Variants in NAV2 observed in about 807,000 individuals in gnomAD.
NAV2 encodes helicase, APC down-regulated 1.
In NAV2, 54 loss-of-function variants were observed where a neutral mutation model predicts 223.2. That is an observed-to-expected ratio of 0.24 (90% CI 0.19 to 0.30). The LOEUF (loss-of-function observed/expected upper bound fraction) is 0.30. Ranked by LOEUF, NAV2 falls within the 10% of genes least tolerant of loss-of-function variation. The pLI is 1.00. For missense variants in NAV2, 2,806 were observed against 3,147.5 expected, an observed-to-expected ratio of 0.89 and a Z score of 2.60; for synonymous variants, 1,279 against 1,239.3, an observed-to-expected ratio of 1.03 and a Z score of -0.67.
At chr11:19,492,656 G>A (rs1473428713) in intron 1 of NAV2, among the ~76,000 whole-genome samples, 1 of 152,048 alleles carries the variant, frequency 6.6e-6, no homozygotes, top group Non-Finnish European at 1.5e-5. Flanking sequence ...TTAAACAATT[G>A]CTATTTTGAC....
At chr11:19,993,174 G>A (rs1326401629) in intron 11 of NAV2, among the ~76,000 whole-genome samples, 2 of 152,176 alleles carry the variant, frequency 1.3e-5, no homozygotes, top group Non-Finnish European at 1.5e-5. Context: ...GAATGTTTTT[G>A]TATGAGTCAG....
rs1565086667 is a variant in NAV2 at position 20,105,621 on chromosome 11, G to C, written c.6735G>C (p.Gly2245=). Residue 2245 remains glycine (G), a synonymous_variant, in exon 35 of 38, where the codon GGG becomes GGC. Transcript: ENST00000349880. ...AGCTCATGGAAACAGAGATCAGTGG[G>C]CGGGTGCGCAATATGGAGCTGGTAA... ...RRKLMETEIS[G]RVRNMELVKI... is the part of the protein sequence containing the mutation. The C allele has an allele frequency of 6.2e-7, 1 of 1,614,074 alleles. No individual in the cohort carries two copies. Among genetic ancestry groups the C allele is most frequent in the Admixed American group, 1.7e-5 (1 of 60,016 alleles).
chr11:19,521,013 G>C (rs2043634812), intron 1 of NAV2, among the ~76,000 whole-genome samples: 1 of 152,208 alleles, frequency 6.6e-6, no homozygotes, highest in Non-Finnish European at 1.5e-5. Context: ...CTTTTAAGAA[G>C]GCCCATGCGC....
At chr11:19,561,468 G>A (rs945219080) in intron 1 of NAV2, among the ~76,000 whole-genome samples, 3 of 152,126 alleles carry the variant, frequency 2.0e-5, no homozygotes, top group African/African-American at 7.2e-5. Flanking sequence ...TATAGCAAAG[G>A]CCACTTGAAC....
At chr11:19,731,822 T>A (rs1397297051) in intron 1 of NAV2, among the ~76,000 whole-genome samples, 3 of 152,232 alleles carry the variant, frequency 2.0e-5, no homozygotes, top group Admixed American at 6.5e-5. Flanking sequence ...TGTGAACATG[T>A]ATTGCTAACT....
Position 19,713,075 on chromosome 11 carries a change from G to A in NAV2, c.-621G>A, listed in dbSNP as rs866720773. Among the ~76,000 whole-genome samples the A allele has an allele frequency of 9.2e-5, 14 of 152,134 alleles. No individual in the cohort carries two copies. The highest frequency in any genetic ancestry group is 8.3e-4 in the South Asian group (4 of 4,830). Reference sequence around the variant, plus strand: ...GTCACCCCAAGAGAGACCTTTCGGGGGCTCTTGCCGCACCTCTGCTGCGTC... The same window carrying A: ...GTCACCCCAAGAGAGACCTTTCGGGAGCTCTTGCCGCACCTCTGCTGCGTC... On this transcript the variant is annotated 5_prime_UTR_variant, in exon 1 of 38. Transcript: ENST00000349880. This position sits in a 1 kb window ranked among gnomAD's most constrained non-coding sequence, Gnocchi z 7.2.
intron 1 of NAV2, among the ~76,000 whole-genome samples, chr11:19,474,523 C>T (rs1362151845): frequency 2.0e-5 from 3 of 152,156 alleles, no homozygotes; most frequent in African/African-American, 7.2e-5. Context: ...CTACTGTGGG[C>T]GCTGATGCTA....
At chr11:19,879,787 A>G in intron 4 of NAV2, 82 bp from the exon 5 acceptor site, 9 of 1,534,756 alleles carry the variant, frequency 5.9e-6, no homozygotes, top group Non-Finnish European at 8.0e-6. Context: ...TAAAGAAATC[A>G]AACTCACGTG....
At chr11:20,101,968 T>C (rs1474788889) in intron 32 of NAV2, among the ~76,000 whole-genome samples, 1 of 152,212 alleles carries the variant, frequency 6.6e-6, no homozygotes, top group Non-Finnish European at 1.5e-5. Flanking sequence ...CCTAGTGTGC[T>C]TGAAGATACA....
chr11:19,906,253 T>G (rs2042859343), intron 6 of NAV2, among the ~76,000 whole-genome samples: 1 of 152,164 alleles, frequency 6.6e-6, no homozygotes, highest in Non-Finnish European at 1.5e-5. Flanking sequence ...AGAGTTGAAA[T>G]GTACAAGGCC....
At chr11:19,829,304 A>C (rs910112929) in intron 1 of NAV2, among the ~76,000 whole-genome samples, 1 of 152,110 alleles carries the variant, frequency 6.6e-6, no homozygotes, top group African/African-American at 2.4e-5. Flanking sequence ...TGCTTTATAT[A>C]CCAGCCTGGC....
At chr11:19,876,473 G>A (rs1256411151) in intron 4 of NAV2, among the ~76,000 whole-genome samples, 2 of 152,302 alleles carry the variant, frequency 1.3e-5, no homozygotes, top group South Asian at 2.1e-4. Context: ...ATGGACTGTA[G>A]AGATTTAACC....
intron 29 of NAV2, among the ~76,000 whole-genome samples, chr11:20,094,790 T>C (rs1167958857): frequency 1.3e-5 from 2 of 152,214 alleles, no homozygotes; most frequent in Non-Finnish European, 2.9e-5. Flanking sequence ...ATCATGTCAC[T>C]GCAAGACTGC....
intron 1 of NAV2, among the ~76,000 whole-genome samples, chr11:19,434,488 G>C (rs1396575439): frequency 6.6e-6 from 1 of 152,222 alleles, no homozygotes; most frequent in Non-Finnish European, 1.5e-5. Flanking sequence ...GTTTTTCAGT[G>C]TATCCTTGAG....
chr11:19,760,315 G>A (rs1397489263), intron 1 of NAV2, among the ~76,000 whole-genome samples: 1 of 152,140 alleles, frequency 6.6e-6, no homozygotes, highest in Non-Finnish European at 1.5e-5. Context: ...CAACTCCAGG[G>A]CAATCCAGTA....
chr11:19,897,781 A>G (rs1338528246), intron 6 of NAV2, among the ~76,000 whole-genome samples: 1 of 151,442 alleles, frequency 6.6e-6, no homozygotes, highest in Non-Finnish European at 1.5e-5. Flanking sequence ...AAAACCTGCA[A>G]GTTGTTTGTT....
rs1005239076 is a variant in NAV2 at position 19,580,937 on chromosome 11, T to C, written c.75+229910T>C. Reference sequence around the variant, plus strand: ...GCCTACTTATAGGATACTCATCCTATCCTACATTTGGTTCTTATTTTTCCT... The same window carrying C: ...GCCTACTTATAGGATACTCATCCTACCCTACATTTGGTTCTTATTTTTCCT... On this transcript the variant is annotated intron_variant, in intron 1 of 37. Transcript: ENST00000360655. 1.2e-4 allele frequency among the ~76,000 whole-genome samples: 18 copies of C among 152,236 alleles called. 1 individual carries two copies. The highest frequency in any genetic ancestry group is 4.4e-5 in the Non-Finnish European group (3 of 68,044).
intron 10 of NAV2, among the ~76,000 whole-genome samples, chr11:19,981,709 A>T (rs2050303892): frequency 6.6e-6 from 1 of 152,156 alleles, no homozygotes; most frequent in Admixed American, 6.6e-5. Flanking sequence ...AGCCTCTGGC[A>T]AAGTTATGGC....
intron 35 of NAV2, chr11:20,107,244 G>GT (rs759043206): frequency 0.016 from 2,090 of 133,258 alleles, 43 homozygotes; most frequent in African/African-American, 0.046. Context: ...CGCCTGGCTA[G>GT]TTTTTTTTTT....
Sources: gnomAD v4.1 joint callset for allele counts (sites outside exome capture counted in the v4.1 genomes callset) on GRCh38, gnomAD v4.1.1 for gene constraint, Gnocchi (gnomAD v3.1) non-coding constraint, MANE v1.5 for transcripts, NCBI Gene and HGNC (gene_info 2026-07-23, HGNC 2026-07-21) for gene names.